Variants in NDUFA11 observed in about 807,000 individuals in gnomAD.
NDUFA11 encodes the protein NADH dehydrogenase [ubiquinone] 1 alpha subcomplex subunit 11.
Under a neutral mutation model 11.3 loss-of-function variants are expected in NDUFA11, and 14 were observed. The observed-to-expected ratio is 1.24, with a 90% confidence interval of 0.82 to 1.94. The LOEUF is 1.94. Ranked by LOEUF, NDUFA11 falls within the 30% of genes most tolerant of loss-of-function variation. The pLI, the probability that NDUFA11 is intolerant of heterozygous loss-of-function variation, is 0.00. For synonymous variants in NDUFA11, 87 were observed against 85.6 expected (o/e 1.02, Z -0.09); for missense variants, 204 against 200.3 (o/e 1.02, Z -0.11).
Position 5,896,085 on chromosome 19 carries a change from C to T in NDUFA11, c.313+368G>A, listed in dbSNP as rs2057606128. The stretch of plus-strand genomic sequence containing the variant: ...GGAAGGCGGCACAGAGCGAGGGCGG[C>T]GGGGATGCTGGCTTGTACACAGGGT... On this transcript the variant is annotated intron_variant, in intron 3 of 3. Coordinates refer to ENST00000308961, the MANE Select transcript of NDUFA11 (RefSeq NM_175614.5). This position sits in a 1 kb window ranked among gnomAD's most constrained non-coding sequence, Gnocchi z 5.8. The T allele has an allele frequency of 1.1e-5, 5 of 456,576 alleles. No homozygotes were observed. Among genetic ancestry groups the T allele is most frequent in the Admixed American group, 3.8e-5 (1 of 26,184 alleles). The allele number at this position is 456,576 out of a possible 1,614,324, so 28.3% of individuals were successfully genotyped here. A position where few individuals can be genotyped will look rare whatever the true frequency, so the allele number is the denominator to read the frequency against.
At position 5,896,748 on chromosome 19, in the gene NDUFA11, A is replaced by G. The variant is rs73920083; in HGVS notation, c.190+157T>C. On this transcript the variant is annotated intron_variant, in intron 2 of 3. Transcript: ENST00000308961. This position sits in a 1 kb window ranked among gnomAD's most constrained non-coding sequence, Gnocchi z 5.8. ...GTTCTCCTGGGCCTCCCCACCCTAC[A>G]TGTATTCCTGATAAAGGAACACCCC... 536 of 1,193,406 alleles carry G rather than the reference A, an allele frequency of 4.5e-4. 5 individuals are homozygous for G. In the African/African-American group the frequency reaches 7.6e-3, roughly 17 times the overall value. 73.9% of individuals were successfully genotyped at this position (1,193,406 alleles called of 1,614,324 possible).
chr19:5,892,915 A>G, downstream of NDUFA11: 1 of 1,438,454 alleles, frequency 7.0e-7, no homozygotes, highest in Non-Finnish European at 9.1e-7. Flanking sequence ...ACAAGGAAAG[A>G]ATCAAGTTCT....
At chr19:5,901,215 A>T (rs78770619) in intron 1 of NDUFA11, 1 of 963,048 alleles carries the variant, frequency 1.0e-6, no homozygotes, top group Non-Finnish European at 1.4e-6. Flanking sequence ...TTGTATTCAC[A>T]CATGAGGAAT....
At chr19:5,900,734 A>G (rs988092248) in intron 1 of NDUFA11, among the ~76,000 whole-genome samples, 18 of 152,144 alleles carry the variant, frequency 1.2e-4, no homozygotes, top group African/African-American at 4.1e-4. Context: ...CCTGGCCAAC[A>G]TGGCGAAACC....
rs1329336840 is a variant in NDUFA11, at chr19:5,896,689, T to C, written c.191-114A>G. Reference sequence around the variant, plus strand: ...GATGCCACGAGTCGGCTGCTCGCTGTGCATGGCAGCCTCCTGGCCCCAGTC... The same window carrying C: ...GATGCCACGAGTCGGCTGCTCGCTGCGCATGGCAGCCTCCTGGCCCCAGTC... On this transcript the variant is annotated intron_variant, in intron 2 of 3. Transcript: ENST00000308961. This position sits in a 1 kb window ranked among gnomAD's most constrained non-coding sequence, Gnocchi z 5.8. The C allele has an allele frequency of 6.8e-7, 1 of 1,464,742 alleles. No individual in the cohort carries two copies. Among genetic ancestry groups the C allele is most frequent in the East Asian group, 2.5e-5 (1 of 40,678 alleles). 90.7% of individuals were successfully genotyped at this position (1,464,742 alleles called of 1,614,324 possible).
At chr19:5,895,484 G>A (rs2057602156) in intron 3 of NDUFA11, 1 of 153,092 alleles carries the variant, frequency 6.5e-6, no homozygotes, top group Non-Finnish European at 1.5e-5. Context: ...AGTGGGAGCT[G>A]GGGAGGGACA....
rs1486574492 is a variant in NDUFA11, at chr19:5,903,714, G to C, written c.-6C>G. On this transcript the variant is annotated 5_prime_UTR_variant, in exon 1 of 4. Coordinates refer to ENST00000308961, the MANE Select transcript of NDUFA11 (RefSeq NM_175614.5). ...CGAAAAACCTTCGGCGCCATAGCCC[G>C]CAATCTCGATCCCGCACCACGGACC... 15 of 1,551,188 alleles carry C rather than the reference G, an allele frequency of 9.7e-6. No homozygotes were observed. The highest frequency in any genetic ancestry group is 2.0e-5 in the Admixed American group (1 of 50,994).
At chr19:5,894,576 T>G, downstream of NDUFA11, 1 of 1,404,558 alleles carries the variant, frequency 7.1e-7, no homozygotes, top group Non-Finnish European at 9.7e-7. Context: ...GGCAGGCGCG[T>G]GTGCAGGGGG....
chr19:5,903,495 A>T (rs1027591977), intron 1 of NDUFA11, 117 bp downstream of exon 1: 217 of 974,142 alleles, frequency 2.2e-4, no homozygotes, highest in Non-Finnish European at 7.2e-5. Flanking sequence ...CACCCCGATG[A>T]CAACCACGTG....
chr19:5,899,250 C>T (rs1278660902), intron 1 of NDUFA11, among the ~76,000 whole-genome samples: 1 of 149,710 alleles, frequency 6.7e-6, no homozygotes, highest in African/African-American at 2.5e-5. Context: ...CCTGGGTTCA[C>T]ACCATTCTCC....
chr19:5,899,368 C>G (rs2057630599), intron 1 of NDUFA11, among the ~76,000 whole-genome samples: 1 of 150,396 alleles, frequency 6.6e-6, no homozygotes, highest in Non-Finnish European at 1.5e-5. Context: ...CCAGGATGGT[C>G]TCCATCTCCT....
At chr19:5,900,700 C>CT (rs2057639454) in intron 1 of NDUFA11, among the ~76,000 whole-genome samples, 1 of 152,054 alleles carries the variant, frequency 6.6e-6, no homozygotes, top group Non-Finnish European at 1.5e-5. Context: ...GGCGGATCAC[C>CT]TGAGGTCAGG....
intron 1 of NDUFA11, chr19:5,901,559 G>GC: frequency 1.0e-6 from 1 of 974,610 alleles, no homozygotes; most frequent in East Asian, 6.4e-5. Context: ...TCCCAATGGA[G>GC]CCGCAACTTT....
At chr19:5,901,362 A>AC (rs2057644255) in intron 1 of NDUFA11, 2 of 1,286,894 alleles carry the variant, frequency 1.6e-6, no homozygotes, top group Non-Finnish European at 2.0e-6. Flanking sequence ...TGCTTCAGAG[A>AC]CCCCTAGGAG....
At chr19:5,901,534 C>T (rs1333421763) in intron 1 of NDUFA11, 39 of 1,182,748 alleles carry the variant, frequency 3.3e-5, no homozygotes, top group Non-Finnish European at 4.3e-5. Flanking sequence ...TTAGGTCTGC[C>T]CTAATTCAAA....
At chr19:5,898,805 C>T (rs144956405) in intron 1 of NDUFA11, among the ~76,000 whole-genome samples, 27 of 149,888 alleles carry the variant, frequency 1.8e-4, no homozygotes, top group African/African-American at 6.1e-4. Flanking sequence ...ACCCAGGAAG[C>T]GGAGGCTGCA....
In NDUFA11 at chr19:5,903,688, A is replaced by T. The variant is rs1486088805; in HGVS notation, c.21T>A (p.Arg7=). 15 of 1,551,410 alleles carry T rather than the reference A, an allele frequency of 9.7e-6. No individual in the cohort carries two copies. Among genetic ancestry groups the T allele is most frequent in the Non-Finnish European group, 1.3e-5 (15 of 1,146,914 alleles). ...TGCCATCGGGGATATCCCAGTACTG[A>T]CGAAAAACCTTCGGCGCCATAGCCC... MAPKVF[R]QYWDIPDGTD... Residue 7 remains arginine (R), a synonymous_variant, in exon 1 of 4, where the codon CGT becomes CGA. Coordinates refer to ENST00000308961, the MANE Select transcript of NDUFA11 (RefSeq NM_175614.5).
downstream of NDUFA11, chr19:5,892,596 A>C: frequency 4.1e-6 from 1 of 245,826 alleles, no homozygotes; most frequent in Non-Finnish European, 7.9e-6. Flanking sequence ...GATGAGGGAC[A>C]GACAAGGCCT....
chr19:5,895,614 CGGCTGAGCTGCAAGA>C (rs1482024434), intron 3 of NDUFA11: 1 of 152,810 alleles, frequency 6.5e-6, no homozygotes, highest in Non-Finnish European at 1.5e-5. Flanking sequence ...CAGGCCAGAG[CGGCTGAGCTGCAAGA>C]GGGCTCGTTC....
Sources: allele counts gnomAD v4.1 joint callset (sites outside exome capture counted in the v4.1 genomes callset), GRCh38; gene constraint gnomAD v4.1.1; non-coding constraint Gnocchi (gnomAD v3.1); transcripts MANE v1.5; gene names NCBI Gene and HGNC (gene_info 2026-07-23, HGNC 2026-07-21).